The following CTNNA3 variants were observed in gnomAD, a reference collection of about 807,000 sequenced individuals.
The protein encoded by CTNNA3 is catenin alpha-3.
In CTNNA3, 76 loss-of-function variants were observed where a neutral mutation model predicts 95.7. That is an observed-to-expected ratio of 0.79 (90% CI 0.66 to 0.96). The LOEUF is 0.96. Ranked by LOEUF, CTNNA3 falls within the 40% of genes least tolerant of loss-of-function variation. CTNNA3 has a pLI of 0.00. For synonymous variants in CTNNA3, 431 were observed against 374.4 expected (o/e 1.15, Z -1.74); for missense variants, 1,191 against 1,089.8 (o/e 1.09, Z -1.31).
intron 13 of CTNNA3, among the ~76,000 whole-genome samples, chr10:66,221,341 G>A (rs2088917865): frequency 6.6e-6 from 1 of 152,206 alleles, no homozygotes; most frequent in Admixed American, 6.5e-5. Flanking sequence ...TTTGTGACCT[G>A]TATCATAAAC....
chr10:66,976,133 C>A (rs763815466), intron 7 of CTNNA3, among the ~76,000 whole-genome samples: 3 of 152,050 alleles, frequency 2.0e-5, no homozygotes, highest in Admixed American at 6.6e-5. Context: ...TTGTTCCTGC[C>A]TTTGTAAAAC....
chr10:66,678,773 C>T (rs774536084), intron 9 of CTNNA3, among the ~76,000 whole-genome samples: 1 of 152,084 alleles, frequency 6.6e-6, no homozygotes, highest in Non-Finnish European at 1.5e-5. Context: ...AAAGAGTCGA[C>T]TCCTCTTTCA....
At chr10:66,578,323 G>A (rs1157734286) in intron 10 of CTNNA3, among the ~76,000 whole-genome samples, 1 of 151,858 alleles carries the variant, frequency 6.6e-6, no homozygotes, top group Non-Finnish European at 1.5e-5. Flanking sequence ...TGTCTTACCT[G>A]ATTACTTTGG....
chr10:66,788,770 C>T (rs1022590398), intron 7 of CTNNA3, among the ~76,000 whole-genome samples: 2 of 152,086 alleles, frequency 1.3e-5, no homozygotes, highest in Non-Finnish European at 2.9e-5. Context: ...AAGAACCATA[C>T]TGGCGAGCAC....
rs142743817 is a variant in CTNNA3 at position 66,892,117 on chromosome 10, C to T, written c.1048-116593G>A. ...CACTTATTCTGAAAACAGAAATAAC[C>T]ATAATTCCTTTACATCTTTTATTTA... On this transcript the variant is annotated intron_variant, in intron 7 of 17. Transcript: ENST00000433211. Among the ~76,000 whole-genome samples the T allele has an allele frequency of 6.0e-3, 911 of 151,980 alleles. 7 individuals are homozygous for T. The highest frequency in any genetic ancestry group is 0.021 in the African/African-American group (854 of 41,480).
chr10:67,198,371 G>A (rs978266248), intron 6 of CTNNA3, among the ~76,000 whole-genome samples: 3 of 152,016 alleles, frequency 2.0e-5, no homozygotes, highest in Non-Finnish European at 4.4e-5. Context: ...ACTTTATCAG[G>A]TCCTTTTCCC....
At chr10:66,387,814 A>G (rs2092905158) in intron 11 of CTNNA3, among the ~76,000 whole-genome samples, 1 of 152,168 alleles carries the variant, frequency 6.6e-6, no homozygotes, top group South Asian at 2.1e-4. Flanking sequence ...ATGAAGCTGG[A>G]AACCATCATT....
chr10:67,707,611 T>C (rs1386936494), intron 1 of CTNNA3, among the ~76,000 whole-genome samples: 1 of 152,156 alleles, frequency 6.6e-6, no homozygotes, highest in Non-Finnish European at 1.5e-5. Context: ...TTATTCTGTC[T>C]TCACCATTGG....
chr10:66,936,649 C>T (rs1483845352), intron 7 of CTNNA3, among the ~76,000 whole-genome samples: 1 of 152,232 alleles, frequency 6.6e-6, no homozygotes, highest in East Asian at 1.9e-4. Flanking sequence ...CTAGATTGAA[C>T]TCTACAGCGC....
chr10:67,095,206 C>T (rs1215204979), intron 7 of CTNNA3, among the ~76,000 whole-genome samples: 1 of 151,584 alleles, frequency 6.6e-6, no homozygotes, highest in Non-Finnish European at 1.5e-5. Context: ...CTTACTGATA[C>T]ATCTTACTAT....
intron 13 of CTNNA3, among the ~76,000 whole-genome samples, chr10:66,192,793 T>C (rs2086752677): frequency 2.0e-5 from 3 of 152,194 alleles, no homozygotes; most frequent in Admixed American, 1.3e-4. Flanking sequence ...AATAAATTTC[T>C]TTGCATATAT....
chr10:67,644,888 T>C (rs1275185207), intron 2 of CTNNA3, among the ~76,000 whole-genome samples: 1 of 152,142 alleles, frequency 6.6e-6, no homozygotes, highest in Non-Finnish European at 1.5e-5. Context: ...AACATTGACA[T>C]CAATCTTAAG....
intron 9 of CTNNA3, among the ~76,000 whole-genome samples, chr10:66,723,284 G>A (rs1848684118): frequency 6.6e-6 from 1 of 152,136 alleles, no homozygotes; most frequent in South Asian, 2.1e-4. Context: ...CTTTTGAAAT[G>A]TTGTTGAAGT....
chr10:66,045,935 T>C (rs151052601), intron 15 of CTNNA3, among the ~76,000 whole-genome samples: 60 of 152,188 alleles, frequency 3.9e-4, no homozygotes, highest in African/African-American at 1.4e-3. Flanking sequence ...GAGGTATGTG[T>C]AATGTACAAG....
intron 9 of CTNNA3, among the ~76,000 whole-genome samples, chr10:66,637,562 C>T (rs1589051040): frequency 6.6e-6 from 1 of 152,338 alleles, no homozygotes; most frequent in East Asian, 1.9e-4. Flanking sequence ...TCAGGCTCAG[C>T]CTCTGAAGAA....
At chr10:67,620,221 G>T (rs1031749848) in intron 2 of CTNNA3, among the ~76,000 whole-genome samples, 1 of 151,950 alleles carries the variant, frequency 6.6e-6, no homozygotes, top group Non-Finnish European at 1.5e-5. Context: ...ACAAAAGAAC[G>T]CCCCACAAAG....
chr10:67,062,519 G>GTGTGTGTC (rs1165592084), intron 7 of CTNNA3, among the ~76,000 whole-genome samples: 3 of 152,116 alleles, frequency 2.0e-5, no homozygotes, highest in Non-Finnish European at 2.9e-5. Context: ...TTGAAAGTGT[G>GTGTGTGTC]TGTGTGTCTG....
intron 1 of CTNNA3, among the ~76,000 whole-genome samples, chr10:67,710,062 T>C (rs1043091549): frequency 3.0e-4 from 45 of 151,918 alleles, no homozygotes; most frequent in African/African-American, 1.1e-3. Flanking sequence ...AGCATTGCTA[T>C]AGAACACTGC....
chr10:66,888,933 CT>C (rs1344707828), intron 7 of CTNNA3, among the ~76,000 whole-genome samples: 3 of 152,210 alleles, frequency 2.0e-5, no homozygotes, highest in Non-Finnish European at 4.4e-5. Context: ...TGTATAGCAA[CT>C]TCATTTATAC....
Sources: allele counts gnomAD v4.1 joint callset (sites outside exome capture counted in the v4.1 genomes callset), GRCh38; gene constraint gnomAD v4.1.1; transcripts MANE v1.5; gene names NCBI Gene and HGNC (gene_info 2026-07-23, HGNC 2026-07-21).